Variants in OSBPL1A observed in about 807,000 individuals in gnomAD.
OSBPL1A encodes oxysterol-binding protein-related protein 1.
In OSBPL1A, 80 loss-of-function variants were observed where a neutral mutation model predicts 137.1. The observed-to-expected ratio is 0.58, with a 90% CI of 0.49 to 0.70. The LOEUF (loss-of-function observed/expected upper bound fraction) is 0.70, where lower values mean the gene tolerates loss of function less well. OSBPL1A is among the 30% of genes least tolerant of loss of function. The pLI is 0.00. For missense variants in OSBPL1A, 970 were observed against 1,129.4 expected (o/e 0.86, Z 2.02); for synonymous variants, 365 against 389.7 (o/e 0.94, Z 0.75).
chr18:24,164,309 T>C (rs35202341), intron 27 of OSBPL1A, among the ~76,000 whole-genome samples: 70,903 of 151,758 alleles, frequency 0.47, 19,750 homozygotes, highest in Non-Finnish European at 0.63. Flanking sequence ...AGGATGGCAA[T>C]TATTAAAAAG....
chr18:24,369,527 C>G (rs755895959), intron 2 of OSBPL1A, among the ~76,000 whole-genome samples: 10 of 152,072 alleles, frequency 6.6e-5, no homozygotes, highest in Non-Finnish European at 1.3e-4. Context: ...TTCACAGCTA[C>G]TGTAGATAGC....
At chr18:24,290,096 A>C (rs1038380828) in intron 14 of OSBPL1A, among the ~76,000 whole-genome samples, 3 of 152,130 alleles carry the variant, frequency 2.0e-5, no homozygotes, top group African/African-American at 7.2e-5. Flanking sequence ...TATACTAGAT[A>C]ATATAAATTG....
intron 14 of OSBPL1A, among the ~76,000 whole-genome samples, chr18:24,294,969 A>T (rs2090262804): frequency 6.6e-6 from 1 of 152,178 alleles, no homozygotes; most frequent in Non-Finnish European, 1.5e-5. Context: ...ATCTACTTTT[A>T]GTTCTTTAGG....
Position 24,295,554 on chromosome 18 carries a change from C to A in OSBPL1A, c.1174+8083G>T, listed in dbSNP as rs1189611487. ...AGGCTTTCTGGTCTTAGAATTAAGT[C>A]TTTGATCCATCTTGAGTTGATTTTT... On this transcript the variant is annotated intron_variant, in intron 14 of 27. Coordinates refer to ENST00000319481, the MANE Select transcript of OSBPL1A (RefSeq NM_080597.4). 2.6e-5 allele frequency among the ~76,000 whole-genome samples: 4 copies of A among 152,130 alleles called. No homozygotes were observed. The East Asian group carries it at 7.7e-4, about 29-fold the overall frequency.
intron 4 of OSBPL1A, among the ~76,000 whole-genome samples, chr18:24,365,347 G>A (rs1026517115): frequency 2.0e-5 from 3 of 152,128 alleles, no homozygotes; most frequent in African/African-American, 7.2e-5. Context: ...CATTTTGGGA[G>A]GCTGAGGTGG....
At chr18:24,379,819 TG>T in intron 1 of OSBPL1A, among the ~76,000 whole-genome samples, 1 of 151,878 alleles carries the variant, frequency 6.6e-6, no homozygotes, top group East Asian at 1.9e-4. Flanking sequence ...TGCAGTGAGC[TG>T]AGATCACGCC....
At chr18:24,170,547 T>C in intron 23 of OSBPL1A, 94 bp from the exon 24 acceptor site, 1 of 1,445,340 alleles carries the variant, frequency 6.9e-7, no homozygotes, top group Non-Finnish European at 9.6e-7. Context: ...CCCATCCGAG[T>C]ACTAACCAGG....
At chr18:24,213,333 C>A (rs527887156) in intron 17 of OSBPL1A, among the ~76,000 whole-genome samples, 3 of 152,204 alleles carry the variant, frequency 2.0e-5, no homozygotes, top group Admixed American at 2.0e-4. Context: ...TTTGGGAGGC[C>A]GAGGCAGGCG....
chr18:24,171,502 T>C lies in OSBPL1A; in HGVS notation c.2202-4A>G, dbSNP rs1483057889. 1 of 1,604,038 alleles carries C rather than the reference T, an allele frequency of 6.2e-7. No homozygotes were observed. Among genetic ancestry groups the C allele is most frequent in the Non-Finnish European group, 8.5e-7 (1 of 1,173,162 alleles). On this transcript the variant is annotated splice_region_variant and splice_polypyrimidine_tract_variant and intron_variant, in intron 22 of 27. Transcript: ENST00000319481. The stretch of plus-strand genomic sequence containing the variant: ...CAACACACATTTGTCCCCAGTCCTA[T>C]AAAGAAAATACTAAGTTCAGATTAT...
intron 1 of OSBPL1A, among the ~76,000 whole-genome samples, chr18:24,383,872 TTGAG>T (rs1453799807): frequency 4.6e-5 from 7 of 152,244 alleles, no homozygotes; most frequent in African/African-American, 1.7e-4. Context: ...CAAATGTTTC[TTGAG>T]TATCTACTGA....
In OSBPL1A at chr18:24,363,642, TTCTA is replaced by T. The variant is rs199740726; in HGVS notation, c.282+3246_282+3249del. 8.5e-3 allele frequency among the ~76,000 whole-genome samples: 1,290 copies of T among 151,410 alleles called. 11 individuals carry two copies. Among genetic ancestry groups the T allele is most frequent in the African/African-American group, 0.03 (1,241 of 41,258 alleles). On this transcript the variant is annotated intron_variant, in intron 4 of 27. Coordinates refer to ENST00000319481, the MANE Select transcript of OSBPL1A (RefSeq NM_080597.4). ...TTTTCTTTTCCCTTCCTTCCTTCCT[TTCTA>T]TCTTTCTTTCTTTCTTATAGGGTCT...
intron 1 of OSBPL1A, among the ~76,000 whole-genome samples, chr18:24,394,259 C>T (rs1020218258): frequency 1.3e-5 from 2 of 152,084 alleles, no homozygotes; most frequent in Non-Finnish European, 2.9e-5. Flanking sequence ...GGATACCATA[C>T]GGACATAATA....
chr18:24,277,059 A>G (rs1447241457), intron 15 of OSBPL1A, among the ~76,000 whole-genome samples: 3 of 152,262 alleles, frequency 2.0e-5, no homozygotes, highest in Non-Finnish European at 4.4e-5. Flanking sequence ...GCAGGTACAC[A>G]GTTAATTTGA....
At chr18:24,381,124 T>C (rs967091291) in intron 1 of OSBPL1A, among the ~76,000 whole-genome samples, 3 of 152,186 alleles carry the variant, frequency 2.0e-5, no homozygotes, top group African/African-American at 7.2e-5. Flanking sequence ...CAAGGACCAC[T>C]GCAAGAGAGT....
chr18:24,279,023 T>G (rs1051259299), intron 15 of OSBPL1A, among the ~76,000 whole-genome samples: 2 of 152,118 alleles, frequency 1.3e-5, no homozygotes, highest in African/African-American at 4.8e-5. Flanking sequence ...AGACTTTTGG[T>G]AAGTTTGTTT....
In OSBPL1A at chr18:24,318,759, C is replaced by T. The variant is rs2090787007; in HGVS notation, c.676G>A (p.Val226Ile). The change falls in exon 8 of 28, where the codon GTT (valine) becomes ATT (isoleucine). Residue 226 changes from valine (V) to isoleucine (I), a missense_variant. By Grantham distance (29) the Val-to-Ile change is conservative. Coordinates refer to ENST00000319481, the MANE Select transcript of OSBPL1A (RefSeq NM_080597.4). ...TCATTACTCTGTACCTTATTACCAA[C>T]AAGAATGTGTTTCATTTCAGCACCC... is the stretch of plus-strand genomic sequence containing the variant. ...AQGAEMKHILVGNKVIYKALK... is the reference protein window; with the variant it reads ...AQGAEMKHILIGNKVIYKALK... 5.0e-6 allele frequency: 8 copies of T among 1,612,956 alleles called. No individual in the cohort carries two copies. The highest frequency in any genetic ancestry group is 6.8e-6 in the Non-Finnish European group (8 of 1,179,782).
intron 17 of OSBPL1A, among the ~76,000 whole-genome samples, chr18:24,220,346 T>C (rs1260265625): frequency 6.6e-6 from 1 of 152,242 alleles, no homozygotes; most frequent in East Asian, 1.9e-4. Flanking sequence ...GATAGGCTTG[T>C]GTCCAGCTTG....
At chr18:24,227,413 CA>C (rs954816597) in intron 16 of OSBPL1A, among the ~76,000 whole-genome samples, 4 of 151,362 alleles carry the variant, frequency 2.6e-5, no homozygotes, top group African/African-American at 9.7e-5. Context: ...AATGCTAAGA[CA>C]AAAAAAACCC....
At chr18:24,298,419 T>A (rs1211411497) in intron 14 of OSBPL1A, among the ~76,000 whole-genome samples, 1 of 152,236 alleles carries the variant, frequency 6.6e-6, no homozygotes, top group African/African-American at 2.4e-5. Context: ...CGATCTTGGC[T>A]CACTGCAACC....
Sources: allele counts gnomAD v4.1 joint callset (sites outside exome capture counted in the v4.1 genomes callset), GRCh38; gene constraint gnomAD v4.1.1; transcripts MANE v1.5; gene names NCBI Gene and HGNC (gene_info 2026-07-23, HGNC 2026-07-21).